The following SYK variants were observed in gnomAD, a reference collection of about 807,000 sequenced individuals.
The protein encoded by SYK is spleen associated tyrosine kinase, also known as tyrosine-protein kinase SYK.
In SYK, 16 loss-of-function variants were observed where a neutral mutation model predicts 77.8. The ratio of observed to expected loss-of-function variants is 0.21; its 90% CI spans 0.14 to 0.31. The LOEUF (loss-of-function observed/expected upper bound fraction) is 0.31, where lower values mean the gene tolerates loss of function less well. Ranked by LOEUF, SYK falls within the 10% of genes least tolerant of loss-of-function variation. The pLI, the probability that SYK is intolerant of heterozygous loss-of-function variation, is 1.00. For synonymous variants in SYK, 312 were observed against 308.7 expected (o/e 1.01, Z -0.11); for missense variants, 529 against 814.4 (o/e 0.65, Z 4.26).
chr9:90,808,239 C>T (rs984249406), intron 1 of SYK, among the ~76,000 whole-genome samples: 15 of 152,064 alleles, frequency 9.9e-5, no homozygotes, highest in African/African-American at 3.6e-4. Context: ...CTTAGTTTTC[C>T]TATGATTATT....
intron 6 of SYK, among the ~76,000 whole-genome samples, chr9:90,866,561 T>G: frequency 6.6e-6 from 1 of 152,230 alleles, no homozygotes; most frequent in East Asian, 1.9e-4. Flanking sequence ...ACCCTTCAGA[T>G]GGATGAGGGC....
chr9:90,880,508 A>C (rs772959992), intron 11 of SYK, among the ~76,000 whole-genome samples: 26 of 152,232 alleles, frequency 1.7e-4, no homozygotes, highest in Non-Finnish European at 3.5e-4. Flanking sequence ...TAGGATGACC[A>C]GCATGGGACA....
At chr9:90,822,029 T>C (rs994231961) in intron 1 of SYK, among the ~76,000 whole-genome samples, 1 of 152,038 alleles carries the variant, frequency 6.6e-6, no homozygotes, top group African/African-American at 2.4e-5. Context: ...TTGATGAAAA[T>C]ATGGTGACGG....
chr9:90,865,879 G>A (rs1385707604), intron 6 of SYK, among the ~76,000 whole-genome samples: 2 of 139,148 alleles, frequency 1.4e-5, no homozygotes, highest in African/African-American at 5.4e-5. Context: ...TTTTCTTGGG[G>A]CTACATATGG....
intron 1 of SYK, among the ~76,000 whole-genome samples, chr9:90,832,640 A>C (rs290215): frequency 0.29 from 44,459 of 152,084 alleles, 6,779 homozygotes; most frequent in East Asian, 0.45. Flanking sequence ...CAGCTCCTAG[A>C]ACCTAGCTCA....
chr9:90,869,575 A>G (rs1160775289), intron 7 of SYK, among the ~76,000 whole-genome samples: 1 of 152,228 alleles, frequency 6.6e-6, no homozygotes, highest in Non-Finnish European at 1.5e-5. Context: ...ATTATGTCAA[A>G]TGTCCCATCA....
chr9:90,809,547 C>G (rs978955613), intron 1 of SYK, among the ~76,000 whole-genome samples: 12 of 152,236 alleles, frequency 7.9e-5, no homozygotes, highest in Non-Finnish European at 1.8e-4. Flanking sequence ...TTTTACTCAT[C>G]ACCAATGGTT....
rs540787000 is a variant in SYK at position 90,869,980 on chromosome 9, C to T, written c.915+2781C>T. 3.0e-3 allele frequency among the ~76,000 whole-genome samples: 458 copies of T among 152,204 alleles called. 2 individuals carry two copies. Among genetic ancestry groups the T allele is most frequent in the African/African-American group, 0.011 (443 of 41,518 alleles). On this transcript the variant is annotated intron_variant, in intron 7 of 13. Coordinates refer to ENST00000375754, the MANE Select transcript of SYK (RefSeq NM_003177.7). ...AAAATTAGCCAGGCGTGGTGGCACA[C>T]GCCTATAATCCCAGCTACTCAGGAG... is the stretch of plus-strand genomic sequence containing the variant.
At chr9:90,837,195 T>C (rs577570551) in intron 1 of SYK, among the ~76,000 whole-genome samples, 35 of 152,268 alleles carry the variant, frequency 2.3e-4, no homozygotes, top group Admixed American at 1.6e-3. Context: ...CAAGGGTCAG[T>C]TGTATATTCA....
intron 11 of SYK, among the ~76,000 whole-genome samples, chr9:90,887,031 A>G (rs1828603799): frequency 6.6e-6 from 1 of 152,216 alleles, no homozygotes; most frequent in African/African-American, 2.4e-5. Context: ...TGTACACCCT[A>G]TGTAAATGAG....
chr9:90,865,060 T>C lies in SYK; in HGVS notation c.809T>C (p.Phe270Ser). 1 of 1,614,184 alleles carries C rather than the reference T, an allele frequency of 6.2e-7. No homozygotes were observed. The highest frequency in any genetic ancestry group is 8.5e-7 in the Non-Finnish European group (1 of 1,180,026). The change falls in exon 6 of 14, where the codon TTT becomes TCT. Residue 270 changes from phenylalanine to serine, a missense_variant. Transcript: ENST00000375754. ...TCTCTCTAACCAGGAAATGTTAATT[T>C]TGGAGGCCGTCCACAACTTCCAGGT... ...QKIGTQGNVNFGGRPQLPGSH... is the reference protein window; with the variant it reads ...QKIGTQGNVNSGGRPQLPGSH...
At chr9:90,865,623 T>C (rs997666162) in intron 6 of SYK, among the ~76,000 whole-genome samples, 3 of 152,162 alleles carry the variant, frequency 2.0e-5, no homozygotes, top group South Asian at 2.1e-4. Flanking sequence ...CACATTTTCT[T>C]AACTTCTTGT....
At chr9:90,828,593 G>T (rs1379115938) in intron 1 of SYK, among the ~76,000 whole-genome samples, 1 of 152,156 alleles carries the variant, frequency 6.6e-6, no homozygotes, top group East Asian at 1.9e-4. Context: ...GCTCAAAAGA[G>T]CATGCAAGGG....
At chr9:90,891,184 C>T (rs901085616) in intron 13 of SYK, among the ~76,000 whole-genome samples, 6 of 131,172 alleles carry the variant, frequency 4.6e-5, no homozygotes, top group East Asian at 2.6e-4. Flanking sequence ...CTCACTCTGT[C>T]GCCCAGGCTG....
At chr9:90,890,664 C>G (rs1331750078) in intron 13 of SYK, among the ~76,000 whole-genome samples, 1 of 152,186 alleles carries the variant, frequency 6.6e-6, no homozygotes, top group East Asian at 1.9e-4. Flanking sequence ...GGCCCATGCC[C>G]CATATTAGAA....
chr9:90,883,114 G>A (rs1332020208), intron 11 of SYK, among the ~76,000 whole-genome samples: 1 of 152,108 alleles, frequency 6.6e-6, no homozygotes, highest in Non-Finnish European at 1.5e-5. Flanking sequence ...ATCTTGCCCT[G>A]GGACTATTGC....
chr9:90,879,975 T>C (rs962128458), intron 11 of SYK, among the ~76,000 whole-genome samples: 1 of 152,268 alleles, frequency 6.6e-6, no homozygotes, highest in Non-Finnish European at 1.5e-5. Context: ...CTAGGGTCTA[T>C]GTTAACCAAC....
intron 1 of SYK, among the ~76,000 whole-genome samples, chr9:90,831,160 T>A (rs1254324213): frequency 1.3e-5 from 2 of 152,182 alleles, no homozygotes; most frequent in Admixed American, 6.5e-5. Context: ...CTCTGTATGA[T>A]AGGAGGGCTC....
intron 1 of SYK, chr9:90,802,163 G>C (rs1355229505): frequency 6.6e-6 from 1 of 152,206 alleles, no homozygotes; most frequent in Non-Finnish European, 1.5e-5. Flanking sequence ...AGTGACCCGG[G>C]CACCCCAGGG....
Sources: allele counts gnomAD v4.1 joint callset (sites outside exome capture counted in the v4.1 genomes callset), GRCh38; gene constraint gnomAD v4.1.1; transcripts MANE v1.5; gene names NCBI Gene and HGNC (gene_info 2026-07-23, HGNC 2026-07-21).